The following PDE11A variants were observed in gnomAD, a reference collection of about 807,000 sequenced individuals.
PDE11A encodes phosphodiesterase 11A.
PDE11A carries 100 observed loss-of-function variants against 100.5 expected under a neutral mutation model. The observed-to-expected ratio is 1.00, with a 90% CI of 0.85 to 1.18. The LOEUF is 1.18. Among genes scored for constraint, PDE11A ranks in the 50% most tolerant of loss-of-function variants. The probability of loss-of-function intolerance (pLI) is 0.00; values close to 1 mark genes in which losing one functional copy is unlikely to be tolerated. For synonymous variants in PDE11A, 381 were observed against 420.8 expected (o/e 0.91, Z 1.16); for missense variants, 1,141 against 1,152.6 (o/e 0.99, Z 0.15).
Position 177,890,492 on chromosome 2 carries a change from A to G in PDE11A, c.1302+7566T>C, listed in dbSNP as rs149710526. Reference sequence around the variant, plus strand: ...CACTCAGCCTTTTATTAAATACTTCATCTTATCTAATTTCTACTGAATTAA... The same window carrying G: ...CACTCAGCCTTTTATTAAATACTTCGTCTTATCTAATTTCTACTGAATTAA... On this transcript the variant is annotated intron_variant, in intron 4 of 19. Coordinates refer to ENST00000286063, the MANE Select transcript of PDE11A (RefSeq NM_016953.4). 9.4e-4 allele frequency among the ~76,000 whole-genome samples: 143 copies of G among 152,336 alleles called. 1 individual carries two copies. Among genetic ancestry groups the G allele is most frequent in the African/African-American group, 3.2e-3 (133 of 41,574 alleles).
chr2:177,736,610 C>T (rs1055632361), intron 10 of PDE11A, among the ~76,000 whole-genome samples: 1 of 152,046 alleles, frequency 6.6e-6, no homozygotes. Context: ...AGGAGACAGC[C>T]CCTGGGAGCA....
At chr2:178,047,887 G>C (rs1233471242) in intron 1 of PDE11A, among the ~76,000 whole-genome samples, 1 of 152,122 alleles carries the variant, frequency 6.6e-6, no homozygotes, top group Admixed American at 6.5e-5. Flanking sequence ...TCCCATAGAT[G>C]ATGAGTGCAG....
intron 9 of PDE11A, among the ~76,000 whole-genome samples, chr2:177,780,900 A>G (rs562707359): frequency 1.1e-4 from 16 of 152,358 alleles, no homozygotes; most frequent in African/African-American, 3.6e-4. Flanking sequence ...ATCAGCAAAA[A>G]GGCTGTTTCA....
chr2:177,728,610 A>G (rs2081637865), intron 10 of PDE11A, among the ~76,000 whole-genome samples: 1 of 152,184 alleles, frequency 6.6e-6, no homozygotes, highest in Non-Finnish European at 1.5e-5. Flanking sequence ...CTTGTTTCTT[A>G]TATCCTTATA....
intron 2 of PDE11A, among the ~76,000 whole-genome samples, chr2:177,909,458 G>T (rs1451408392): frequency 6.6e-6 from 1 of 152,114 alleles, no homozygotes; most frequent in Non-Finnish European, 1.5e-5. Context: ...ACACTAAATT[G>T]CATGACACCA....
intron 15 of PDE11A, among the ~76,000 whole-genome samples, chr2:177,689,201 G>T (rs1405114647): frequency 6.6e-6 from 1 of 152,130 alleles, no homozygotes; most frequent in Non-Finnish European, 1.5e-5. Context: ...TCCTGCCTCA[G>T]CCTCCTGAGT....
At chr2:177,862,054 A>G (rs144791163) in intron 5 of PDE11A, among the ~76,000 whole-genome samples, 52 of 152,054 alleles carry the variant, frequency 3.4e-4, no homozygotes, top group African/African-American at 1.2e-3. Context: ...TAACAAAAAA[A>G]TTATAAATTG....
chr2:177,676,861 TA>T (rs2105499456), intron 16 of PDE11A, among the ~76,000 whole-genome samples: 1 of 152,342 alleles, frequency 6.6e-6, no homozygotes, highest in Non-Finnish European at 1.5e-5. Context: ...CTATTATCCT[TA>T]TTTTACAGAT....
intron 10 of PDE11A, among the ~76,000 whole-genome samples, chr2:177,762,266 T>C (rs1334545009): frequency 6.6e-6 from 1 of 152,154 alleles, no homozygotes; most frequent in Non-Finnish European, 1.5e-5. Flanking sequence ...CTGTGCACAC[T>C]GAACGAACAG....
intron 9 of PDE11A, among the ~76,000 whole-genome samples, chr2:177,789,340 G>A (rs1163187283): frequency 6.6e-6 from 1 of 152,012 alleles, no homozygotes; most frequent in Admixed American, 6.6e-5. Flanking sequence ...ATTCAACAAT[G>A]CTTCATGCTA....
chr2:177,732,448 A>T (rs185163254), intron 10 of PDE11A, among the ~76,000 whole-genome samples: 2 of 152,324 alleles, frequency 1.3e-5, no homozygotes, highest in Non-Finnish European at 2.9e-5. Flanking sequence ...AGAGAAGTTT[A>T]GTTCTGAATT....
At chr2:178,064,929 T>C (rs905039852) in intron 1 of PDE11A, among the ~76,000 whole-genome samples, 27 of 152,128 alleles carry the variant, frequency 1.8e-4, no homozygotes, top group African/African-American at 6.5e-4. Context: ...AAACATAATT[T>C]GTCATTAATA....
intron 2 of PDE11A, among the ~76,000 whole-genome samples, chr2:178,086,118 C>T (rs944801740): frequency 1.3e-5 from 2 of 152,172 alleles, no homozygotes; most frequent in Non-Finnish European, 2.9e-5. Context: ...TCAATCTTTC[C>T]CCTTTCCCCT....
intron 2 of PDE11A, among the ~76,000 whole-genome samples, chr2:178,000,304 G>A (rs1174164635): frequency 6.6e-6 from 1 of 152,132 alleles, no homozygotes; most frequent in African/African-American, 2.4e-5. Context: ...ATGTCACAGA[G>A]TTATATTATA....
intron 2 of PDE11A, chr2:177,998,021 T>A: frequency 8.0e-7 from 1 of 1,253,000 alleles, no homozygotes; most frequent in African/African-American, 1.5e-5. Flanking sequence ...TGGACAGTTT[T>A]AGAGAAGAAG....
chr2:178,041,908 T>G (rs556050882), intron 1 of PDE11A, among the ~76,000 whole-genome samples: 2 of 152,334 alleles, frequency 1.3e-5, no homozygotes, highest in African/African-American at 4.8e-5. Flanking sequence ...GAACATAAAT[T>G]TCTGATAAGG....
Position 177,728,132 on chromosome 2 carries a change from T to C in PDE11A, c.1829A>G (p.Asp610Gly). 6.2e-7 allele frequency: 1 copy of C among 1,612,896 alleles called. No homozygotes were observed. Residue 610 changes from aspartate (D) to glycine (G), a missense_variant, in exon 11 of 20, where the codon GAC becomes GGC. By Grantham distance (94) the Asp-to-Gly change is moderately conservative. Transcript: ENST00000286063. ...GAGAGAAAAGTCATCAAAATGAATG[T>C]CATCGATGGCAAGTTCTGACACCAG... ...IPLVSELAID[D>G]IHFDDFSLDV...
At chr2:178,047,753 C>T (rs906763786) in intron 1 of PDE11A, among the ~76,000 whole-genome samples, 1 of 152,104 alleles carries the variant, frequency 6.6e-6, no homozygotes, top group Non-Finnish European at 1.5e-5. Flanking sequence ...AAGGTTTCTC[C>T]TCTGTGTTTT....
rs559125853 is a variant in PDE11A at position 178,091,266 on chromosome 2, T to C, written c.162+13036A>G. Reference sequence around the variant, plus strand: ...TTGTATTTTTTGCAGAGATAGGGTTTCACCATGTTGACCAGGCTGATCTCC... The same window carrying C: ...TTGTATTTTTTGCAGAGATAGGGTTCCACCATGTTGACCAGGCTGATCTCC... On this transcript the variant is annotated intron_variant, in intron 2 of 20. Coordinates refer to the PDE11A transcript ENST00000358450. Among the ~76,000 whole-genome samples, 7 of 152,230 alleles carry C rather than the reference T, an allele frequency of 4.6e-5. No homozygotes were observed. The South Asian group carries it at 1.0e-3, about 23-fold the overall frequency.
Sources: allele counts gnomAD v4.1 joint callset (sites outside exome capture counted in the v4.1 genomes callset), GRCh38; gene constraint gnomAD v4.1.1; transcripts MANE v1.5; gene names NCBI Gene and HGNC (gene_info 2026-07-23, HGNC 2026-07-21).